ERBB4: variants seen among roughly 807,000 people sequenced by gnomAD.
ERBB4 encodes erb-b2 receptor tyrosine kinase 4, also known as receptor tyrosine-protein kinase erbB-4.
A neutral mutation model predicts 158.0 loss-of-function variants in ERBB4; 42 were observed. That is an observed-to-expected ratio of 0.27 (90% CI 0.21 to 0.34). The LOEUF is 0.34. Ranked by LOEUF, ERBB4 falls within the 10% of genes least tolerant of loss-of-function variation. The probability of loss-of-function intolerance (pLI) is 1.00; values close to 1 mark genes in which losing one functional copy is unlikely to be tolerated. For missense variants in ERBB4, 1,333 were observed against 1,624.1 expected (o/e 0.82, Z 3.08); for synonymous variants, 583 against 558.7 (o/e 1.04, Z -0.61).
At chr2:212,061,382 G>A (rs970926625) in intron 2 of ERBB4, among the ~76,000 whole-genome samples, 6 of 149,524 alleles carry the variant, frequency 4.0e-5, no homozygotes, top group Admixed American at 3.3e-4. Flanking sequence ...GAACCCAGGA[G>A]GGGGAGGTTG....
chr2:212,114,556 CA>C (rs1462019023), intron 2 of ERBB4, among the ~76,000 whole-genome samples: 1 of 152,176 alleles, frequency 6.6e-6, no homozygotes, highest in Non-Finnish European at 1.5e-5. Flanking sequence ...GAAAGTAATA[CA>C]ATTCAGATAT....
At chr2:211,859,643 A>G (rs1376299539) in intron 3 of ERBB4, among the ~76,000 whole-genome samples, 3 of 152,172 alleles carry the variant, frequency 2.0e-5, no homozygotes, top group Admixed American at 2.0e-4. Flanking sequence ...TTGTAGTGAA[A>G]CAATTCCCTC....
chr2:212,225,783 A>T (rs2083449351), intron 1 of ERBB4, among the ~76,000 whole-genome samples: 2 of 151,586 alleles, frequency 1.3e-5, no homozygotes, highest in Non-Finnish European at 2.9e-5. Flanking sequence ...TTCTCTTTAA[A>T]TTATTTCCAA....
chr2:212,536,853 T>G (rs924867986), intron 1 of ERBB4, among the ~76,000 whole-genome samples: 6 of 152,084 alleles, frequency 3.9e-5, no homozygotes, highest in African/African-American at 1.4e-4. Flanking sequence ...CCAATGCCTT[T>G]GAATGGGTCA....
chr2:212,279,076 G>A (rs1185978169), intron 1 of ERBB4, among the ~76,000 whole-genome samples: 1 of 151,414 alleles, frequency 6.6e-6, no homozygotes, highest in African/African-American at 2.4e-5. Flanking sequence ...GTAAATTTGT[G>A]TGTATTTTTA....
At chr2:212,355,760 A>G (rs2089440136) in intron 1 of ERBB4, among the ~76,000 whole-genome samples, 1 of 151,936 alleles carries the variant, frequency 6.6e-6, no homozygotes, top group African/African-American at 2.4e-5. Flanking sequence ...ATATATATGC[A>G]TGTGTGTATT....
At chr2:212,424,813 AGTTT>A (rs1213153015) in intron 1 of ERBB4, among the ~76,000 whole-genome samples, 3 of 152,134 alleles carry the variant, frequency 2.0e-5, no homozygotes, top group Non-Finnish European at 4.4e-5. Context: ...ACAAATACTT[AGTTT>A]ATGTCTATAA....
chr2:212,325,297 A>G (rs990811840), intron 1 of ERBB4, among the ~76,000 whole-genome samples: 2 of 150,634 alleles, frequency 1.3e-5, no homozygotes, highest in African/African-American at 4.8e-5. Context: ...TCTGAAAAAC[A>G]TTCTCATATG....
chr2:212,477,407 T>C (rs964001857), intron 1 of ERBB4, among the ~76,000 whole-genome samples: 2 of 152,128 alleles, frequency 1.3e-5, no homozygotes, highest in African/African-American at 4.8e-5. Flanking sequence ...GACTGAAAAG[T>C]AGACATGGAC....
At chr2:212,255,305 G>C (rs16848106) in intron 1 of ERBB4, among the ~76,000 whole-genome samples, 8,983 of 152,160 alleles carry the variant, frequency 0.059, 364 homozygotes, top group African/African-American at 0.12. Flanking sequence ...CTGGGGGAAA[G>C]AGTCATTCAA....
intron 9 of ERBB4, among the ~76,000 whole-genome samples, chr2:211,710,929 A>G (rs947530918): frequency 6.6e-6 from 1 of 151,962 alleles, no homozygotes; most frequent in Non-Finnish European, 1.5e-5. Context: ...TATTAACAGC[A>G]TGATAACTGA....
chr2:212,499,904 C>G (rs1690788927), intron 1 of ERBB4, among the ~76,000 whole-genome samples: 1 of 152,040 alleles, frequency 6.6e-6, no homozygotes, highest in Non-Finnish European at 1.5e-5. Context: ...TTTATTCATC[C>G]TGTCTCTGTG....
At chr2:212,427,614 T>C (rs2091942140) in intron 1 of ERBB4, among the ~76,000 whole-genome samples, 1 of 152,196 alleles carries the variant, frequency 6.6e-6, no homozygotes, top group Non-Finnish European at 1.5e-5. Flanking sequence ...ACTGGTCATA[T>C]AATTCACTTC....
At chr2:212,390,832 T>G (rs999695850) in intron 1 of ERBB4, among the ~76,000 whole-genome samples, 10 of 151,816 alleles carry the variant, frequency 6.6e-5, no homozygotes, top group African/African-American at 2.4e-4. Context: ...AAAGGGACAT[T>G]AATTGTTTTC....
intron 3 of ERBB4, among the ~76,000 whole-genome samples, chr2:211,836,886 G>T (rs1405395924): frequency 6.6e-6 from 1 of 151,954 alleles, no homozygotes; most frequent in Non-Finnish European, 1.5e-5. Context: ...AAGAAATTAT[G>T]TGTAACATAC....
chr2:212,120,802 A>G (rs1011904920), intron 2 of ERBB4, among the ~76,000 whole-genome samples: 1 of 152,236 alleles, frequency 6.6e-6, no homozygotes, highest in East Asian at 1.9e-4. Context: ...TAAAACCATT[A>G]TAAGAAATTT....
chr2:211,466,046 CA>C (rs35444358), intron 20 of ERBB4, among the ~76,000 whole-genome samples: 1 of 152,088 alleles, frequency 6.6e-6, no homozygotes, highest in Non-Finnish European at 1.5e-5. Context: ...ATACATTTGG[CA>C]AAAGGGTAGG....
intron 1 of ERBB4, among the ~76,000 whole-genome samples, chr2:212,150,935 A>G (rs567163632): frequency 5.3e-5 from 8 of 152,310 alleles, no homozygotes; most frequent in Admixed American, 5.2e-4. Flanking sequence ...CACTTAAAAC[A>G]TAATGACAGT....
At chr2:211,450,838 GTTAC>G (rs1358023060) in intron 20 of ERBB4, among the ~76,000 whole-genome samples, 1 of 152,108 alleles carries the variant, frequency 6.6e-6, no homozygotes, top group Non-Finnish European at 1.5e-5. Context: ...TAGGCATGCT[GTTAC>G]TTACCTGTTG....
Sources: allele counts gnomAD v4.1 joint callset (sites outside exome capture counted in the v4.1 genomes callset), GRCh38; gene constraint gnomAD v4.1.1; transcripts MANE v1.5; gene names NCBI Gene and HGNC (gene_info 2026-07-23, HGNC 2026-07-21).